TECPR2: variants seen among roughly 807,000 people sequenced by gnomAD.
TECPR2 encodes tectonin beta-propeller repeat-containing protein 2.
In TECPR2, 65 loss-of-function variants were observed where a neutral mutation model predicts 138.1. That is an observed-to-expected ratio of 0.47 (90% CI 0.39 to 0.58). The LOEUF is 0.58. Ranked by LOEUF, TECPR2 falls within the 20% of genes least tolerant of loss-of-function variation. The probability of loss-of-function intolerance (pLI) is 0.00; values close to 1 mark genes in which losing one functional copy is unlikely to be tolerated. For missense variants in TECPR2, 1,553 were observed against 1,824.5 expected, an observed-to-expected ratio of 0.85 and a Z score of 2.71; for synonymous variants, 746 against 749.8, an observed-to-expected ratio of 0.99 and a Z score of 0.08.
intron 5 of TECPR2, 72 bp from the exon 6 acceptor site, chr14:102,424,907 G>T: frequency 2.8e-6 from 4 of 1,406,342 alleles, no homozygotes; most frequent in Non-Finnish European, 3.9e-6. Context: ...TAATATTAAG[G>T]GTTGACAACT....
At chr14:102,392,559 T>G (rs1888206190) in intron 2 of TECPR2, among the ~76,000 whole-genome samples, 1 of 152,250 alleles carries the variant, frequency 6.6e-6, no homozygotes, top group Non-Finnish European at 1.5e-5. Flanking sequence ...TGTTTTATTT[T>G]TAAAACATTT....
At chr14:102,418,185 G>A (rs1889079889) in intron 5 of TECPR2, among the ~76,000 whole-genome samples, 1 of 152,162 alleles carries the variant, frequency 6.6e-6, no homozygotes, top group Non-Finnish European at 1.5e-5. Flanking sequence ...CCAGATACAG[G>A]TGACACTGAC....
chr14:102,456,221 G>A (rs1245425093), intron 16 of TECPR2, among the ~76,000 whole-genome samples: 2 of 152,168 alleles, frequency 1.3e-5, no homozygotes, highest in East Asian at 1.9e-4. Context: ...AGCTGCTGGT[G>A]GTGGGGCTTT....
Position 102,362,989 on chromosome 14 carries a change from T to G in TECPR2, c.-200T>G. 8.4e-7 allele frequency: 1 copy of G among 1,194,732 alleles called. No homozygotes were observed. Among genetic ancestry groups the G allele is most frequent in the Non-Finnish European group, 1.2e-6 (1 of 834,360 alleles). 74.0% of individuals were successfully genotyped at this position (1,194,732 alleles called of 1,614,324 possible). ...CCCCGGCGGAGCCAGCTGCTGCTCT[T>G]CGGTGCTGGCCCCGGTGCCGGCCCC... is the stretch of plus-strand genomic sequence containing the variant. On this transcript the variant is annotated 5_prime_UTR_variant, in exon 1 of 20. Transcript: ENST00000359520.
intron 8 of TECPR2, among the ~76,000 whole-genome samples, chr14:102,433,432 C>T (rs987275498): frequency 2.6e-5 from 4 of 152,048 alleles, no homozygotes; most frequent in African/African-American, 4.8e-5. Context: ...CATTAATTTG[C>T]TTAGGATTAC....
chr14:102,413,385 A>T (rs971869766), intron 4 of TECPR2, among the ~76,000 whole-genome samples: 15 of 148,934 alleles, frequency 1.0e-4, no homozygotes, highest in Non-Finnish European at 2.1e-4. Flanking sequence ...ATGTATATAT[A>T]TATATATTTT....
chr14:102,364,532 T>C (rs1016894432), intron 1 of TECPR2, among the ~76,000 whole-genome samples: 10 of 152,118 alleles, frequency 6.6e-5, no homozygotes, highest in African/African-American at 2.4e-4. Flanking sequence ...GACACACAAA[T>C]TGAATTTTCA....
chr14:102,482,100 C>T (rs528456592), intron 17 of TECPR2, among the ~76,000 whole-genome samples: 16 of 151,922 alleles, frequency 1.1e-4, no homozygotes, highest in South Asian at 2.1e-4. Context: ...CCCAGGCTGG[C>T]GTGCAATGGT....
chr14:102,376,262 C>CA (rs1376582035), intron 1 of TECPR2, among the ~76,000 whole-genome samples: 3 of 152,204 alleles, frequency 2.0e-5, no homozygotes, highest in African/African-American at 7.2e-5. Context: ...TGTCTACACT[C>CA]ACTCTAATCC....
At chr14:102,441,116 A>G (rs937757365) in intron 11 of TECPR2, among the ~76,000 whole-genome samples, 2 of 152,062 alleles carry the variant, frequency 1.3e-5, no homozygotes, top group African/African-American at 2.4e-5. Context: ...CCAGGCTGGC[A>G]TGCAGTGGTG....
rs75521836 is a variant in TECPR2 at position 102,419,460 on chromosome 14, G to A, written c.638+4667G>A. On this transcript the variant is annotated intron_variant, in intron 5 of 19. Transcript: ENST00000359520. The surrounding 1 kb of genome is among the most constrained non-coding windows in gnomAD (Gnocchi z 4.8). ...GTGTGGCAGCACATTGGTGTGTGAC[G>A]CGGGTGCCTGTGGAGGGAACACAGT... 0.011 allele frequency among the ~76,000 whole-genome samples: 1,619 copies of A among 152,244 alleles called. 31 individuals are homozygous for A. The highest frequency in any genetic ancestry group is 0.037 in the African/African-American group (1,533 of 41,530).
chr14:102,497,996 C>T (rs1891335756), intron 19 of TECPR2, 107 bp from the exon 20 acceptor site: 3 of 875,354 alleles, frequency 3.4e-6, no homozygotes, highest in East Asian at 5.4e-5. Flanking sequence ...GTGTCCCCCA[C>T]CTAGAATGTG....
chr14:102,448,765 G>A (rs545408759), intron 13 of TECPR2, among the ~76,000 whole-genome samples: 1 of 152,186 alleles, frequency 6.6e-6, no homozygotes, highest in Admixed American at 6.6e-5. Flanking sequence ...TACTCGGGAG[G>A]CTGAGGCACG....
At chr14:102,412,064 G>A (rs1888887688) in intron 4 of TECPR2, among the ~76,000 whole-genome samples, 1 of 146,742 alleles carries the variant, frequency 6.8e-6, no homozygotes, top group South Asian at 2.2e-4. Context: ...GTAACATTAT[G>A]TATTGGTCAC....
intron 17 of TECPR2, among the ~76,000 whole-genome samples, chr14:102,496,466 C>T (rs776910342): frequency 9.2e-5 from 14 of 152,230 alleles, no homozygotes; most frequent in Non-Finnish European, 1.9e-4. Context: ...AGGACCAGGG[C>T]AGGGCGGCAG....
intron 17 of TECPR2, among the ~76,000 whole-genome samples, chr14:102,493,420 C>T (rs1211034086): frequency 1.3e-5 from 2 of 152,338 alleles, no homozygotes; most frequent in Admixed American, 6.5e-5. Flanking sequence ...GGCCTCTCCC[C>T]TCCCTTCCCT....
Position 102,443,543 on chromosome 14 carries a change from A to G in TECPR2, c.2753-104A>G, listed in dbSNP as rs1401764622. Reference sequence around the variant, plus strand: ...TTTAAAGCACTCATCATAAAAGAATATAGCAAAATACCAAAAAAGGAAAAA... The same window carrying G: ...TTTAAAGCACTCATCATAAAAGAATGTAGCAAAATACCAAAAAAGGAAAAA... On this transcript the variant is annotated intron_variant, in intron 11 of 19. Transcript: ENST00000359520. The surrounding 1 kb of genome is among the most constrained non-coding windows in gnomAD (Gnocchi z 4.9). 1.8e-6 allele frequency: 2 copies of G among 1,139,616 alleles called. No individual in the cohort carries two copies. Among genetic ancestry groups the G allele is most frequent in the South Asian group, 3.2e-5 (1 of 31,026 alleles). 70.6% of individuals were successfully genotyped at this position (1,139,616 alleles called of 1,614,324 possible). A position where few individuals can be genotyped will look rare whatever the true frequency, so the allele number is the denominator to read the frequency against.
At chr14:102,431,516 G>T (rs1190737027) in intron 7 of TECPR2, among the ~76,000 whole-genome samples, 4 of 151,824 alleles carry the variant, frequency 2.6e-5, no homozygotes, top group Non-Finnish European at 5.9e-5. Flanking sequence ...CTAATTTTTT[G>T]TATTTTTAGT....
intron 6 of TECPR2, 74 bp from the exon 7 acceptor site, chr14:102,428,176 A>AT: frequency 7.0e-7 from 1 of 1,429,900 alleles, no homozygotes; most frequent in Non-Finnish European, 9.1e-7. Flanking sequence ...TCACACATGC[A>AT]TTTTTATGCT....
Sources: allele counts gnomAD v4.1 joint callset (sites outside exome capture counted in the v4.1 genomes callset), GRCh38; gene constraint gnomAD v4.1.1; non-coding constraint Gnocchi (gnomAD v3.1); transcripts MANE v1.5; gene names NCBI Gene and HGNC (gene_info 2026-07-23, HGNC 2026-07-21).